Variants in ARHGAP17 observed in about 807,000 individuals in gnomAD.
The protein encoded by ARHGAP17 is Rho GTPase activating protein 17.
In ARHGAP17, 57 loss-of-function variants were observed where a neutral mutation model predicts 99.5. The ratio of observed to expected loss-of-function variants is 0.57; its 90% CI spans 0.46 to 0.71. The LOEUF (loss-of-function observed/expected upper bound fraction) is 0.71. Among genes scored for constraint, ARHGAP17 ranks in the 30% least tolerant of loss-of-function variants. The pLI is 0.00. For missense variants in ARHGAP17, 1,000 were observed against 1,122.4 expected (o/e 0.89, Z 1.56); for synonymous variants, 417 against 429.6 (o/e 0.97, Z 0.36).
chr16:24,959,802 G>T (rs777607439), intron 8 of ARHGAP17, 50 bp from the exon 9 acceptor site: 10 of 1,605,974 alleles, frequency 6.2e-6, no homozygotes, highest in African/African-American at 1.3e-5. Flanking sequence ...GCATCGGATG[G>T]ACACACACAC....
chr16:24,969,629 A>G (rs1245713290), intron 4 of ARHGAP17, among the ~76,000 whole-genome samples: 1 of 152,234 alleles, frequency 6.6e-6, no homozygotes, highest in African/African-American at 2.4e-5. Context: ...ATTACTTGGA[A>G]AACACTTATA....
At chr16:24,950,023 G>A (rs1282374134) in intron 12 of ARHGAP17, among the ~76,000 whole-genome samples, 2 of 152,146 alleles carry the variant, frequency 1.3e-5, no homozygotes, top group Non-Finnish European at 2.9e-5. Context: ...AACTTGCAGA[G>A]ACATAAAAAA....
At position 24,939,461 on chromosome 16, in the gene ARHGAP17, G is replaced by T. The variant is rs760868293; in HGVS notation, c.1627C>A (p.Pro543Thr). The change falls in exon 17 of 20, where the codon CCT becomes ACT. Residue 543 changes from proline to threonine, a missense_variant. Physicochemically the swap from Pro to Thr is conservative, Grantham distance 38. This residue lies in a region of ARHGAP17 where 528 missense variants were observed against 511.4 expected (regional missense o/e 1.03). Coordinates refer to ENST00000289968, the MANE Select transcript of ARHGAP17 (RefSeq NM_001006634.3). Reference protein sequence around the residue: ...STVVPAGPEPPPQSSRAESSS... With the variant: ...STVVPAGPEPTPQSSRAESSS... Reference sequence around the variant, plus strand: ...CTTTCAGCCCTAGAGCTCTGGGGAGGGGGCTCTGGGCCAGCGGGCACCACG... The same window carrying T: ...CTTTCAGCCCTAGAGCTCTGGGGAGTGGGCTCTGGGCCAGCGGGCACCACG... 1.2e-6 allele frequency: 2 copies of T among 1,611,502 alleles called. No homozygotes were observed. The highest frequency in any genetic ancestry group is 4.5e-5 in the East Asian group (2 of 44,848).
At chr16:24,978,717 T>A (rs1336925733) in intron 2 of ARHGAP17, among the ~76,000 whole-genome samples, 3 of 152,118 alleles carry the variant, frequency 2.0e-5, no homozygotes, top group Non-Finnish European at 4.4e-5. Flanking sequence ...GGAAGTTCAG[T>A]AAATCCCTGA....
intron 10 of ARHGAP17, 136 bp from the exon 11 acceptor site, chr16:24,953,178 G>A (rs2051696160): frequency 4.1e-6 from 3 of 738,076 alleles, no homozygotes. Context: ...CTGCCCTGCA[G>A]GGCTGTCAGG....
chr16:24,954,735 A>G lies in ARHGAP17; in HGVS notation c.725-5T>C. On this transcript the variant is annotated splice_region_variant and splice_polypyrimidine_tract_variant and intron_variant, in intron 9 of 19. Coordinates refer to ENST00000289968, the MANE Select transcript of ARHGAP17 (RefSeq NM_001006634.3). Reference sequence around the variant, plus strand: ...CTGGTTTTTCCGCCCACTTATCTAGAGCAGCAAATTGTTCAGTTAGACACC... The same window carrying G: ...CTGGTTTTTCCGCCCACTTATCTAGGGCAGCAAATTGTTCAGTTAGACACC... 5 of 1,613,478 alleles carry G rather than the reference A, an allele frequency of 3.1e-6. No individual in the cohort carries two copies. The highest frequency in any genetic ancestry group is 4.2e-6 in the Non-Finnish European group (5 of 1,179,726).
intron 1 of ARHGAP17, among the ~76,000 whole-genome samples, chr16:24,983,839 G>A (rs1441723789): frequency 2.6e-5 from 4 of 152,174 alleles, no homozygotes; most frequent in African/African-American, 9.7e-5. Context: ...ACTCAAGCAA[G>A]GCTGATACCA....
chr16:24,931,530 G>GTACA, intron 18 of ARHGAP17, 126 bp from the exon 19 acceptor site: 5 of 954,238 alleles, frequency 5.2e-6, no homozygotes, highest in Non-Finnish European at 7.2e-6. Flanking sequence ...CTGATGAGAG[G>GTACA]TGGTCAGGAG....
intron 1 of ARHGAP17, among the ~76,000 whole-genome samples, chr16:24,995,711 C>G (rs1375323544): frequency 6.6e-6 from 1 of 151,990 alleles, no homozygotes; most frequent in African/African-American, 2.4e-5. Context: ...TGAAGGACTG[C>G]GGAAAACACG....
chr16:24,933,871 C>T (rs2051062505), intron 18 of ARHGAP17, among the ~76,000 whole-genome samples: 1 of 152,064 alleles, frequency 6.6e-6, no homozygotes. Flanking sequence ...TTTCGGGAAG[C>T]ATGAAAGACT....
chr16:24,941,783 G>A (rs893254035), intron 16 of ARHGAP17: 6 of 644,366 alleles, frequency 9.3e-6, no homozygotes, highest in East Asian at 2.9e-5. Flanking sequence ...TGGAAGAAAC[G>A]TTAACTGAGA....
intron 1 of ARHGAP17, 83 bp downstream of exon 1, chr16:25,015,126 C>T: frequency 8.5e-7 from 1 of 1,173,884 alleles, no homozygotes; most frequent in South Asian, 3.9e-5. Flanking sequence ...GCCGCCGGAC[C>T]GCGGAGGAGC....
intron 16 of ARHGAP17, 197 bp downstream of exon 16, chr16:24,941,790 G>A (rs2051319595): frequency 3.0e-6 from 2 of 671,938 alleles, no homozygotes; most frequent in Non-Finnish European, 5.0e-6. Context: ...AACGTTAACT[G>A]AGAAGCTACA....
At chr16:24,971,026 T>C (rs1020311358) in intron 3 of ARHGAP17, among the ~76,000 whole-genome samples, 1 of 152,046 alleles carries the variant, frequency 6.6e-6, no homozygotes, top group Non-Finnish European at 1.5e-5. Context: ...CAGGCCTGCA[T>C]CACCACGTCC....
intron 1 of ARHGAP17, among the ~76,000 whole-genome samples, chr16:24,988,392 G>C (rs925398680): frequency 6.6e-6 from 1 of 152,082 alleles, no homozygotes; most frequent in Admixed American, 6.5e-5. Context: ...ACTTAACGGG[G>C]GGAAATGATT....
At chr16:25,007,551 A>G (rs975942121) in intron 1 of ARHGAP17, among the ~76,000 whole-genome samples, 5 of 152,124 alleles carry the variant, frequency 3.3e-5, no homozygotes, top group African/African-American at 4.8e-5. Flanking sequence ...GCGTGTGTAG[A>G]GACAGGATCT....
chr16:24,932,072 C>A (rs1439079468), intron 18 of ARHGAP17, among the ~76,000 whole-genome samples: 1 of 148,300 alleles, frequency 6.7e-6, no homozygotes, highest in Non-Finnish European at 1.5e-5. Context: ...GATCACACCA[C>A]TGAATTCCAG....
intron 18 of ARHGAP17, among the ~76,000 whole-genome samples, chr16:24,932,699 A>C (rs895126142): frequency 6.6e-6 from 1 of 152,118 alleles, no homozygotes; most frequent in African/African-American, 2.4e-5. Context: ...GAGCTGAATC[A>C]CATCACTCTC....
chr16:24,976,306 T>A (rs117000513), intron 3 of ARHGAP17, among the ~76,000 whole-genome samples: 78 of 152,290 alleles, frequency 5.1e-4, no homozygotes, highest in Non-Finnish European at 6.3e-4. Flanking sequence ...GTGGGAGGAC[T>A]GCTTGAGGCC....
Sources: allele counts gnomAD v4.1 joint callset (sites outside exome capture counted in the v4.1 genomes callset), GRCh38; gene constraint gnomAD v4.1.1; regional missense constraint gnomAD v4.1.1; transcripts MANE v1.5; gene names NCBI Gene and HGNC (gene_info 2026-07-23, HGNC 2026-07-21).